The following HDAC9 variants were observed in gnomAD, a reference collection of about 807,000 sequenced individuals.
The protein encoded by HDAC9 is histone deacetylase 9.
Under a neutral mutation model 139.4 loss-of-function variants are expected in HDAC9, and 41 were observed. The ratio of observed to expected loss-of-function variants is 0.29; its 90% confidence interval spans 0.23 to 0.38. The LOEUF (loss-of-function observed/expected upper bound fraction) is 0.38, where lower values mean the gene tolerates loss of function less well. Among genes scored for constraint, HDAC9 ranks in the 10% least tolerant of loss-of-function variants. The pLI, the probability that HDAC9 is intolerant of heterozygous loss-of-function variation, is 1.00. For missense variants in HDAC9, 1,147 were observed against 1,297.0 expected (o/e 0.88, Z 1.78); for synonymous variants, 517 against 476.2 (o/e 1.09, Z -1.12).
At chr7:18,342,309 C>G (rs2128662925) in intron 1 of HDAC9, among the ~76,000 whole-genome samples, 1 of 151,878 alleles carries the variant, frequency 6.6e-6, no homozygotes, top group East Asian at 1.9e-4. Flanking sequence ...TGCTCACTGC[C>G]CCATCACTGG....
chr7:18,263,771 G>T (rs1331789017), intron 2 of HDAC9, among the ~76,000 whole-genome samples: 1 of 151,884 alleles, frequency 6.6e-6, no homozygotes, highest in Admixed American at 6.6e-5. Context: ...ATCACACCTG[G>T]CTAATTTTTG....
intron 1 of HDAC9, among the ~76,000 whole-genome samples, chr7:18,459,089 G>A (rs1300226994): frequency 6.6e-6 from 1 of 152,128 alleles, no homozygotes; most frequent in Non-Finnish European, 1.5e-5. Context: ...ATGAGTCAGA[G>A]AAGCAGGTTA....
At chr7:18,433,931 A>G (rs1453533651) in intron 1 of HDAC9, among the ~76,000 whole-genome samples, 1 of 152,192 alleles carries the variant, frequency 6.6e-6, no homozygotes, top group Non-Finnish European at 1.5e-5. Flanking sequence ...TAAAAATCAC[A>G]TGGAACCAAA....
At chr7:18,980,684 T>A (rs1472317682) in intron 25 of HDAC9, among the ~76,000 whole-genome samples, 2 of 145,472 alleles carry the variant, frequency 1.4e-5, no homozygotes, top group African/African-American at 2.7e-5. Context: ...TTCTTGTTCT[T>A]CTTGTTCTTC....
intron 25 of HDAC9, among the ~76,000 whole-genome samples, chr7:18,980,291 A>T (rs1784817124): frequency 6.6e-6 from 1 of 152,210 alleles, no homozygotes; most frequent in Non-Finnish European, 1.5e-5. Flanking sequence ...TTGAAAAAAG[A>T]AACAAAATTG....
At chr7:18,663,006 TA>T (rs754166731) in intron 11 of HDAC9, among the ~76,000 whole-genome samples, 1 of 151,956 alleles carries the variant, frequency 6.6e-6, no homozygotes, top group Non-Finnish European at 1.5e-5. Flanking sequence ...GATGGTAATA[TA>T]AAGGAGTGGT....
chr7:18,795,132 G>A (rs1264421006), intron 17 of HDAC9, among the ~76,000 whole-genome samples: 1 of 151,886 alleles, frequency 6.6e-6, no homozygotes. Context: ...CACATAGTAT[G>A]GGCATGCTGA....
At chr7:18,576,587 G>A (rs1053024629) in intron 2 of HDAC9, among the ~76,000 whole-genome samples, 1 of 151,204 alleles carries the variant, frequency 6.6e-6, no homozygotes, top group Non-Finnish European at 1.5e-5. Context: ...ACTTAAACCC[G>A]GCAGGCAGAG....
At chr7:18,377,251 A>G (rs1164524750) in intron 1 of HDAC9, among the ~76,000 whole-genome samples, 6 of 152,144 alleles carry the variant, frequency 3.9e-5, no homozygotes, top group South Asian at 2.1e-4. Context: ...AATCCCATAC[A>G]TAAGGGTAGA....
At chr7:18,706,109 C>A (rs1783886303) in intron 12 of HDAC9, among the ~76,000 whole-genome samples, 2 of 149,110 alleles carry the variant, frequency 1.3e-5, no homozygotes, top group Non-Finnish European at 3.0e-5. Flanking sequence ...TAATGCTAAC[C>A]AGGTCGTTTG....
At chr7:18,793,503 C>T in intron 17 of HDAC9, 51 bp downstream of exon 17, 1 of 1,162,454 alleles carries the variant, frequency 8.6e-7, no homozygotes, top group Non-Finnish European at 1.3e-6. Context: ...GAAACTGAAA[C>T]AGAGATGTTG....
At chr7:18,452,181 C>T (rs1286957154) in intron 1 of HDAC9, among the ~76,000 whole-genome samples, 1 of 152,058 alleles carries the variant, frequency 6.6e-6, no homozygotes, top group Non-Finnish European at 1.5e-5. Context: ...GACCTGAATC[C>T]TAGGCTGAAC....
At chr7:18,373,718 C>T (rs1277349251) in intron 1 of HDAC9, among the ~76,000 whole-genome samples, 1 of 152,106 alleles carries the variant, frequency 6.6e-6, no homozygotes, top group Non-Finnish European at 1.5e-5. Context: ...AAAACTTAAA[C>T]TCTTCAGGTA....
intron 12 of HDAC9, among the ~76,000 whole-genome samples, chr7:18,721,727 G>GCAAAGCAAAA (rs991659275): frequency 1.3e-5 from 2 of 151,960 alleles, no homozygotes; most frequent in Non-Finnish European, 2.9e-5. Context: ...CAACAAGAAA[G>GCAAAGCAAAA]CAAAGCAAAA....
intron 21 of HDAC9, among the ~76,000 whole-genome samples, chr7:18,865,569 A>C (rs1053526166): frequency 6.6e-6 from 1 of 152,072 alleles, no homozygotes; most frequent in Non-Finnish European, 1.5e-5. Context: ...GCCCATGGTA[A>C]ACCTTCATTT....
intron 1 of HDAC9, among the ~76,000 whole-genome samples, chr7:18,089,190 G>A (rs999101726): frequency 8.0e-5 from 12 of 150,888 alleles, no homozygotes; most frequent in Non-Finnish European, 1.0e-4. Context: ...TTAAATACCA[G>A]TTTATGGGTA....
chr7:18,464,885 G>A (rs213273), intron 1 of HDAC9, among the ~76,000 whole-genome samples: 146,239 of 152,092 alleles, frequency 0.96, 70,321 homozygotes, highest in East Asian at 1. Context: ...TAGCCTCTCA[G>A]CTACCTTTTC....
intron 17 of HDAC9, among the ~76,000 whole-genome samples, chr7:18,824,408 G>C (rs7808698): frequency 0.1 from 15,730 of 152,188 alleles, 1,014 homozygotes; most frequent in African/African-American, 0.18. Context: ...TGGGTCTGAA[G>C]TTTAACCCAG....
chr7:18,105,120 T>C (rs1203992037), intron 1 of HDAC9, among the ~76,000 whole-genome samples: 1 of 88,230 alleles, frequency 1.1e-5, no homozygotes, highest in Admixed American at 1.2e-4. Context: ...ATCTAGATGC[T>C]TTCTAGATGG....
Sources: allele counts gnomAD v4.1 joint callset (sites outside exome capture counted in the v4.1 genomes callset), GRCh38; gene constraint gnomAD v4.1.1; transcripts MANE v1.5; gene names NCBI Gene and HGNC (gene_info 2026-07-23, HGNC 2026-07-21).